Variants in UBE3A observed in about 807,000 individuals in gnomAD.
UBE3A encodes the protein ubiquitin protein ligase E3A, also known as ubiquitin-protein ligase E3A.
In UBE3A, 6 loss-of-function variants were observed where a neutral mutation model predicts 83.4. The ratio of observed to expected loss-of-function variants is 0.07; its 90% confidence interval spans 0.04 to 0.14. The LOEUF is 0.14. UBE3A is among the 10% of genes least tolerant of loss of function. The pLI, the probability that UBE3A is intolerant of heterozygous loss-of-function variation, is 1.00. For synonymous variants in UBE3A, 337 were observed against 355.4 expected (o/e 0.95, Z 0.58); for missense variants, 456 against 1,036.1 (o/e 0.44, Z 7.69).
intron 11 of UBE3A, among the ~76,000 whole-genome samples, chr15:25,343,215 C>CG (rs1442204505): frequency 6.6e-6 from 1 of 151,990 alleles, no homozygotes; most frequent in Non-Finnish European, 1.5e-5. Flanking sequence ...AAACAGAATT[C>CG]GGAAGTCTAA....
At position 25,416,863 on chromosome 15, in the gene UBE3A, C is replaced by A. The variant is rs1358689977; in HGVS notation, c.-164-4892G>T. Among the ~76,000 whole-genome samples, 4 of 152,044 alleles carry A rather than the reference C, an allele frequency of 2.6e-5. No homozygotes were observed. In the East Asian group the frequency reaches 7.7e-4, roughly 29 times the overall value. On this transcript the variant is annotated intron_variant, in intron 1 of 12. Transcript: ENST00000648336. ...GAGCCATCCACTGCTTGGATGTCTG[C>A]CTGGAGGTAATTTCCAACCTGCAGT...
chr15:25,417,401 T>C (rs961840792), intron 1 of UBE3A, among the ~76,000 whole-genome samples: 1 of 151,912 alleles, frequency 6.6e-6, no homozygotes, highest in African/African-American at 2.4e-5. Context: ...TATTACAATG[T>C]CCAGCATCCA....
intron 11 of UBE3A, among the ~76,000 whole-genome samples, chr15:25,350,660 A>G (rs1051663975): frequency 6.6e-6 from 1 of 152,186 alleles, no homozygotes; most frequent in African/African-American, 2.4e-5. Flanking sequence ...TTTATTCACA[A>G]TAGTCCCAAA....
intron 4 of UBE3A, among the ~76,000 whole-genome samples, chr15:25,400,077 T>A (rs192673899): frequency 6.6e-6 from 1 of 152,192 alleles, no homozygotes; most frequent in Non-Finnish European, 1.5e-5. Flanking sequence ...TTGATCAGGA[T>A]TGCATTAAAA....
chr15:25,339,293 G>A (rs762803081), intron 12 of UBE3A, 36 bp from the exon 13 acceptor site: 1 of 1,605,304 alleles, frequency 6.2e-7, no homozygotes, highest in Non-Finnish European at 8.5e-7. Context: ...CAGGAAAACT[G>A]TAAGTCATGG....
chr15:25,425,311 T>C (rs1028189820), intron 1 of UBE3A, among the ~76,000 whole-genome samples: 2 of 152,024 alleles, frequency 1.3e-5, no homozygotes, highest in Admixed American at 6.6e-5. Flanking sequence ...CAGGAAAGAA[T>C]GGGGAATGGC....
intron 3 of UBE3A, among the ~76,000 whole-genome samples, chr15:25,406,239 C>G (rs1356438727): frequency 1.3e-5 from 2 of 152,152 alleles, no homozygotes; most frequent in Non-Finnish European, 2.9e-5. Flanking sequence ...CTTGGTTCAA[C>G]AATGAAACTG....
chr15:25,382,396 TA>T (rs111917526), intron 4 of UBE3A, among the ~76,000 whole-genome samples: 4,984 of 147,288 alleles, frequency 0.034, 245 homozygotes, highest in African/African-American at 0.11. Context: ...TGATATATGA[TA>T]AAAAAAAAAG....
At chr15:25,377,194 T>G (rs1218330513) in intron 4 of UBE3A, among the ~76,000 whole-genome samples, 1 of 152,186 alleles carries the variant, frequency 6.6e-6, no homozygotes, top group Non-Finnish European at 1.5e-5. Context: ...AGGCAGCAAG[T>G]AAGTGAAGAA....
At chr15:25,354,467 T>G (rs1403230660) in intron 10 of UBE3A, 41 bp from the exon 11 acceptor site, 2 of 1,599,260 alleles carry the variant, frequency 1.3e-6, no homozygotes, top group Non-Finnish European at 1.7e-6. Flanking sequence ...TCTGCTATAC[T>G]ACTGTATCAT....
At chr15:25,437,568 C>G (rs1895478670) in intron 1 of UBE3A, among the ~76,000 whole-genome samples, 1 of 152,110 alleles carries the variant, frequency 6.6e-6, no homozygotes, top group Non-Finnish European at 1.5e-5. Context: ...GCACTGTAAA[C>G]CCCATATGCT....
intron 6 of UBE3A, among the ~76,000 whole-genome samples, chr15:25,367,224 CATATTTGTAAATAT>C (rs2079363818): frequency 2.5e-5 from 2 of 81,320 alleles, no homozygotes; most frequent in Non-Finnish European, 4.8e-5. Context: ...TAAATATTTA[CATATTTGTAAATAT>C]GTAAATATTT....
At chr15:25,365,332 A>G (rs945995465) in intron 6 of UBE3A, among the ~76,000 whole-genome samples, 29 of 152,198 alleles carry the variant, frequency 1.9e-4, no homozygotes, top group Non-Finnish European at 3.2e-4. Flanking sequence ...TTTCTGAGCT[A>G]TTACATCAAA....
At chr15:25,367,771 C>T (rs2079565890) in intron 6 of UBE3A, among the ~76,000 whole-genome samples, 1 of 151,930 alleles carries the variant, frequency 6.6e-6, no homozygotes, top group South Asian at 2.1e-4. Flanking sequence ...CTAAAAACCT[C>T]AGGAAAAAAG....
intron 5 of UBE3A, among the ~76,000 whole-genome samples, chr15:25,373,192 T>C (rs908795245): frequency 6.6e-6 from 1 of 152,218 alleles, no homozygotes; most frequent in Admixed American, 6.5e-5. Context: ...ATTGAAAATT[T>C]TTAAAATACC....
At chr15:25,353,080 A>G (rs1234865852) in intron 11 of UBE3A, among the ~76,000 whole-genome samples, 1 of 152,224 alleles carries the variant, frequency 6.6e-6, no homozygotes, top group East Asian at 1.9e-4. Flanking sequence ...ATGATCAATC[A>G]TATTACAGAG....
At position 25,383,530 on chromosome 15, in the gene UBE3A, G is replaced by A. The variant is rs536212502; in HGVS notation, c.63-7767C>T. ...TGGGCGCCTGTAATTCCAGCTACTC[G>A]GGAGGCTGAGGCAGGACAATCACTT... On this transcript the variant is annotated intron_variant, in intron 4 of 12. Transcript: ENST00000648336. Among the ~76,000 whole-genome samples, 11 of 152,158 alleles carry A rather than the reference G, an allele frequency of 7.2e-5. 1 individual carries two copies. In the East Asian group the frequency reaches 7.7e-4, roughly 11 times the overall value.
At chr15:25,395,310 G>A (rs1353506487) in intron 4 of UBE3A, among the ~76,000 whole-genome samples, 1 of 152,096 alleles carries the variant, frequency 6.6e-6, no homozygotes, top group African/African-American at 2.4e-5. Flanking sequence ...GTTTAACTCA[G>A]ATTTTAAAAA....
intron 1 of UBE3A, among the ~76,000 whole-genome samples, chr15:25,417,758 T>C (rs1444961328): frequency 6.6e-6 from 1 of 151,966 alleles, no homozygotes; most frequent in Admixed American, 6.6e-5. Context: ...TAATGACCTG[T>C]GGATAATACC....
Sources: gnomAD v4.1 joint callset for allele counts (sites outside exome capture counted in the v4.1 genomes callset) on GRCh38, gnomAD v4.1.1 for gene constraint, MANE v1.5 for transcripts, NCBI Gene and HGNC (gene_info 2026-07-23, HGNC 2026-07-21) for gene names.